EPS8: variants seen among roughly 807,000 people sequenced by gnomAD.
EPS8 encodes the protein epidermal growth factor receptor kinase substrate 8.
A neutral mutation model predicts 103.8 loss-of-function variants in EPS8; 42 were observed. That is an observed-to-expected ratio of 0.40 (90% confidence interval 0.32 to 0.52). The LOEUF (loss-of-function observed/expected upper bound fraction) is 0.52, where lower values mean the gene tolerates loss of function less well. EPS8 is among the 20% of genes least tolerant of loss of function. The pLI is 0.40. For synonymous variants in EPS8, 344 were observed against 344.6 expected (o/e 1.00, Z 0.02); for missense variants, 969 against 1,005.1 (o/e 0.96, Z 0.49).
intron 12 of EPS8, among the ~76,000 whole-genome samples, chr12:15,655,700 A>G (rs1015240334): frequency 6.6e-6 from 1 of 152,242 alleles, no homozygotes; most frequent in African/African-American, 2.4e-5. Flanking sequence ...AAGGAAGAGG[A>G]AATAAAATGA....
intron 3 of EPS8, among the ~76,000 whole-genome samples, chr12:15,680,867 T>A (rs1371237508): frequency 6.6e-6 from 1 of 152,050 alleles, no homozygotes; most frequent in Non-Finnish European, 1.5e-5. Context: ...ATTCAAGAGC[T>A]ATCAGGAAAA....
rs1174411833 is a variant in EPS8 at position 15,636,276 on chromosome 12, A to C, written c.1821+4427T>G. Among the ~76,000 whole-genome samples, 4 of 152,196 alleles carry C rather than the reference A, an allele frequency of 2.6e-5. No homozygotes were observed. The East Asian group carries it at 5.8e-4, about 22-fold the overall frequency. On this transcript the variant is annotated intron_variant, in intron 17 of 20. Transcript: ENST00000281172. The stretch of plus-strand genomic sequence containing the variant: ...TACAACATTTTTATCAAGACATGTT[A>C]TCTCTCCATAATCTCTCCTCAGCAT...
rs1946120472 is a variant in EPS8, at chr12:15,688,135, T to C, written c.-21-5163A>G. Among the ~76,000 whole-genome samples, 1 of 152,110 alleles carries C rather than the reference T, an allele frequency of 6.6e-6. No homozygotes were observed. The highest frequency in any genetic ancestry group is 1.9e-4 in the East Asian group (1 of 5,186). On this transcript the variant is annotated intron_variant, in intron 1 of 20. Transcript: ENST00000281172. The surrounding 1 kb of genome is among the most constrained non-coding windows in gnomAD (Gnocchi z 5.1). ...TCTAAGGTAAAATCATAGGCAGAAG[T>C]GAACACAAAGGAGAAAGGGAAAGAA...
chr12:15,634,710 A>T (rs767905505), intron 17 of EPS8: 13 of 398,754 alleles, frequency 3.3e-5, no homozygotes, highest in Non-Finnish European at 5.3e-5. Flanking sequence ...ATTAAAAAGA[A>T]GTGCCATGAG....
At chr12:15,718,705 A>C (rs1946559747) in intron 1 of EPS8, among the ~76,000 whole-genome samples, 1 of 152,008 alleles carries the variant, frequency 6.6e-6, no homozygotes, top group Non-Finnish European at 1.5e-5. Context: ...ATGTTGGTGA[A>C]TGTATATCAA....
intron 18 of EPS8, among the ~76,000 whole-genome samples, chr12:15,627,401 G>A (rs945290834): frequency 6.6e-6 from 1 of 151,926 alleles, no homozygotes; most frequent in Non-Finnish European, 1.5e-5. Flanking sequence ...ATCCTAATAC[G>A]TGGAACGGTG....
intron 3 of EPS8, chr12:15,672,406 A>C (rs1029830732): frequency 1.5e-5 from 6 of 398,000 alleles, no homozygotes; most frequent in Non-Finnish European, 2.7e-5. Flanking sequence ...TGCAGCATTA[A>C]AATTACTTAA....
chr12:15,685,469 AGC>A, intron 1 of EPS8, among the ~76,000 whole-genome samples: 6 of 152,210 alleles, frequency 3.9e-5, no homozygotes, highest in African/African-American at 1.4e-4. Flanking sequence ...AAACCACAGC[AGC>A]TGGTTTTAAT....
intron 3 of EPS8, among the ~76,000 whole-genome samples, chr12:15,674,941 A>G (rs1437475515): frequency 9.2e-5 from 14 of 152,230 alleles, no homozygotes; most frequent in Non-Finnish European, 2.9e-5. Context: ...ACTCTTAAGT[A>G]CTACTTGAAT....
Position 15,701,642 on chromosome 12 carries a change from C to T in EPS8, c.-21-18670G>A, listed in dbSNP as rs757143352. On this transcript the variant is annotated intron_variant, in intron 1 of 20. Transcript: ENST00000281172. This position sits in a 1 kb window ranked among gnomAD's most constrained non-coding sequence, Gnocchi z 5.1. ...GACTTTAGTACAAATAATACCAAGTCTTCAATCTGAAAGAACAACTACTTG... is the reference window on the plus strand; with the variant it reads ...GACTTTAGTACAAATAATACCAAGTTTTCAATCTGAAAGAACAACTACTTG... 1.3e-5 allele frequency among the ~76,000 whole-genome samples: 2 copies of T among 152,158 alleles called. No individual in the cohort carries two copies. Among genetic ancestry groups the T allele is most frequent in the Non-Finnish European group, 2.9e-5 (2 of 68,026 alleles).
intron 1 of EPS8, among the ~76,000 whole-genome samples, chr12:15,718,249 T>C (rs1946554701): frequency 6.6e-6 from 1 of 152,156 alleles, no homozygotes; most frequent in African/African-American, 2.4e-5. Context: ...CTAATTCAAA[T>C]TTAAAAGGAG....
chr12:15,657,638 C>G (rs1945531192), intron 12 of EPS8, among the ~76,000 whole-genome samples: 1 of 152,124 alleles, frequency 6.6e-6, no homozygotes, highest in African/African-American at 2.4e-5. Flanking sequence ...AAGTCAGAGA[C>G]AGTTCAAGAG....
chr12:15,777,031 C>T lies in EPS8; in HGVS notation c.-22+12130G>A. ...AATGAGAGCTGATAAAATCATTCTT[C>T]AACTATTCTACTAACTGCCTGGCAG... is the stretch of plus-strand genomic sequence containing the variant. On this transcript the variant is annotated intron_variant, in intron 1 of 20. Transcript: ENST00000281172. This position sits in a 1 kb window ranked among gnomAD's most constrained non-coding sequence, Gnocchi z 4.7. 6.6e-6 allele frequency among the ~76,000 whole-genome samples: 1 copy of T among 152,116 alleles called. No individual in the cohort carries two copies. The highest frequency in any genetic ancestry group is 1.9e-4 in the East Asian group (1 of 5,200).
chr12:15,750,213 C>A (rs1946917081), intron 1 of EPS8, among the ~76,000 whole-genome samples: 1 of 152,176 alleles, frequency 6.6e-6, no homozygotes, highest in Admixed American at 6.5e-5. Flanking sequence ...GCTAACAAAG[C>A]AATTGTCCCT....
chr12:15,739,991 A>G (rs761081951), intron 1 of EPS8, among the ~76,000 whole-genome samples: 6 of 152,120 alleles, frequency 3.9e-5, no homozygotes, highest in Admixed American at 1.3e-4. Flanking sequence ...ATTCTCTGAC[A>G]CACAGGGACT....
chr12:15,707,740 A>G (rs1342501392), intron 1 of EPS8, among the ~76,000 whole-genome samples: 1 of 152,132 alleles, frequency 6.6e-6, no homozygotes, highest in Non-Finnish European at 1.5e-5. Flanking sequence ...CTTTGTAAGA[A>G]TTTGATTAGG....
chr12:15,784,644 C>G lies in EPS8; in HGVS notation c.-22+4517G>C, dbSNP rs577663437. On this transcript the variant is annotated intron_variant, in intron 1 of 20. Transcript: ENST00000281172. The surrounding 1 kb of genome is among the most constrained non-coding windows in gnomAD (Gnocchi z 4.0). ...AGCAATCGCACTTCTAGATATTTAT[C>G]CAACGGATATAAGAACTTATGTCTA... Among the ~76,000 whole-genome samples the G allele has an allele frequency of 6.6e-6, 1 of 152,102 alleles. No homozygotes were observed. Among genetic ancestry groups the G allele is most frequent in the Non-Finnish European group, 1.5e-5 (1 of 67,966 alleles).
rs879864599 is a variant in EPS8, at chr12:15,779,475, GA to G, written c.-22+9685del. Among the ~76,000 whole-genome samples the G allele has an allele frequency of 4.6e-5, 7 of 152,140 alleles. No individual in the cohort carries two copies. The highest frequency in any genetic ancestry group is 7.4e-5 in the Non-Finnish European group (5 of 68,024). Reference sequence around the variant, plus strand: ...AACTGTAATCAATGTCTTCTCAAAAGAGACAGATTTTACACATATTTTTATT... The same window carrying G: ...AACTGTAATCAATGTCTTCTCAAAAGGACAGATTTTACACATATTTTTATT... On this transcript the variant is annotated intron_variant, in intron 1 of 20. Coordinates refer to ENST00000281172, the MANE Select transcript of EPS8 (RefSeq NM_004447.6). The surrounding 1 kb of genome is among the most constrained non-coding windows in gnomAD (Gnocchi z 4.3).
Position 15,764,595 on chromosome 12 carries a change from T to C in EPS8, c.-22+24566A>G, listed in dbSNP as rs138603969. Reference sequence around the variant, plus strand: ...ACCTAAAGATTTTATTTTCAGGGCTTGATGAAACTTCAACCAGATAAAGTA... The same window carrying C: ...ACCTAAAGATTTTATTTTCAGGGCTCGATGAAACTTCAACCAGATAAAGTA... On this transcript the variant is annotated intron_variant, in intron 1 of 20. Coordinates refer to ENST00000281172, the MANE Select transcript of EPS8 (RefSeq NM_004447.6). This position sits in a 1 kb window ranked among gnomAD's most constrained non-coding sequence, Gnocchi z 4.1. 6.6e-5 allele frequency among the ~76,000 whole-genome samples: 10 copies of C among 152,324 alleles called. No homozygotes were observed. In the East Asian group the frequency reaches 1.9e-3, roughly 29 times the overall value.
Sources: allele counts gnomAD v4.1 joint callset (sites outside exome capture counted in the v4.1 genomes callset), GRCh38; gene constraint gnomAD v4.1.1; non-coding constraint Gnocchi (gnomAD v3.1); transcripts MANE v1.5; gene names NCBI Gene and HGNC (gene_info 2026-07-23, HGNC 2026-07-21).